Variants in RRS1 observed in about 807,000 individuals in gnomAD.
The protein encoded by RRS1 is regulator of ribosome synthesis 1.
A neutral mutation model predicts 23.1 loss-of-function variants in RRS1; 10 were observed. The observed-to-expected ratio is 0.43, with a 90% confidence interval of 0.27 to 0.74. RRS1 has a LOEUF of 0.74. RRS1 is among the 30% of genes least tolerant of loss of function. The pLI, the probability that RRS1 is intolerant of heterozygous loss-of-function variation, is 0.19. For missense variants in RRS1, 485 were observed against 484.3 expected, an observed-to-expected ratio of 1.00 and a Z score of -0.01; for synonymous variants, 198 against 207.7, an observed-to-expected ratio of 0.95 and a Z score of 0.40.
At position 66,429,159 on chromosome 8, in the gene RRS1, C is replaced by T. The variant is rs199546938; in HGVS notation, c.28C>T (p.Leu10Phe). 226 of 1,611,314 alleles carry T rather than the reference C, an allele frequency of 1.4e-4. 6 individuals carry two copies. The Admixed American group carries it at 3.5e-3, about 25-fold the overall frequency. MEGQSVEEL[L>F]AKAEQDEAEK... ...GGAGGGCCAGAGCGTGGAGGAGCTGCTCGCAAAGGCAGAGCAGGACGAGGC... is the reference window on the plus strand; with the variant it reads ...GGAGGGCCAGAGCGTGGAGGAGCTGTTCGCAAAGGCAGAGCAGGACGAGGC... The change falls in exon 1 of 1, where the codon CTC becomes TTC. Residue 10 changes from leucine (L) to phenylalanine (F), a missense_variant. Coordinates refer to ENST00000320270, the MANE Select transcript of RRS1 (RefSeq NM_015169.4). This position sits in a 1 kb window ranked among gnomAD's most constrained non-coding sequence, Gnocchi z 5.1.
rs776165420 is a variant in RRS1 at position 66,430,069 on chromosome 8, AG to A, written c.941del (p.Gly314GlufsTer29). Reference sequence around the variant, plus strand: ...AAAATGAGCCAGAAGGGCAAGAGAAAGGGAGGCCGGCAGGGGCCTGGGGGCA... The same window carrying A: ...AAAATGAGCCAGAAGGGCAAGAGAAAGGAGGCCGGCAGGGGCCTGGGGGCA... ...RRKMSQKGKR[K>X]GGRQGPGGKR... On this transcript the variant is annotated frameshift_variant, in exon 1 of 1. Transcript: ENST00000320270. LOFTEE classifies it high-confidence loss of function. The A allele has an allele frequency of 6.2e-7, 1 of 1,611,068 alleles. No homozygotes were observed. The highest frequency in any genetic ancestry group is 1.7e-5 in the Admixed American group (1 of 59,164).
In RRS1 at chr8:66,430,248, C is replaced by G; in HGVS notation, c.*19C>G. ...GAAGTAATAGTTTCTAACTGTCGGA[C>G]CCGTCTGTAAACCAAGGACTATGAA... On this transcript the variant is annotated 3_prime_UTR_variant, in exon 1 of 1. Transcript: ENST00000320270. The G allele has an allele frequency of 6.2e-7, 1 of 1,613,214 alleles. No homozygotes were observed. Among genetic ancestry groups the G allele is most frequent in the Non-Finnish European group, 8.5e-7 (1 of 1,179,612 alleles).
rs753505716 is a variant in RRS1, at chr8:66,430,000, A to T, written c.869A>T (p.Lys290Met). Residue 290 changes from lysine to methionine, a missense_variant, in exon 1 of 1, where the codon AAG becomes ATG. Coordinates refer to ENST00000320270, the MANE Select transcript of RRS1 (RefSeq NM_015169.4). The surrounding 1 kb of genome is among the most constrained non-coding windows in gnomAD (Gnocchi z 5.1). Reference protein sequence around the residue: ...PQLDVTRATNKQMREEDQEEA... With the variant: ...PQLDVTRATNMQMREEDQEEA... ...CTGGATGTGACTAGGGCCACCAATA[A>T]GCAGATGAGGGAGGAGGACCAGGAG... 6.2e-7 allele frequency: 1 copy of T among 1,613,406 alleles called. No individual in the cohort carries two copies. The highest frequency in any genetic ancestry group is 1.7e-5 in the Admixed American group (1 of 59,816).
rs1279604596 is a variant in RRS1, at chr8:66,429,935, G to T, written c.804G>T (p.Gln268His). ...ACTTTGCAGCCGAGAAAAAGAACCA[G>T]TTGGAGCTGCTTCGTGTCATGAACA... ...FGDFAAEKKNQLELLRVMNSK... is the reference protein window; with the variant it reads ...FGDFAAEKKNHLELLRVMNSK... The change falls in exon 1 of 1, where the codon CAG becomes CAT. Residue 268 changes from glutamine (Q) to histidine (H), a missense_variant. By Grantham distance (24) the Gln-to-His change is conservative (BLOSUM62 0). Transcript: ENST00000320270. This position sits in a 1 kb window ranked among gnomAD's most constrained non-coding sequence, Gnocchi z 5.1. 6.2e-7 allele frequency: 1 copy of T among 1,614,042 alleles called. No homozygotes were observed. The highest frequency in any genetic ancestry group is 8.5e-7 in the Non-Finnish European group (1 of 1,180,012).
rs1222192827 is a variant in RRS1 at position 66,429,589 on chromosome 8, C to G, written c.458C>G (p.Thr153Ser). The G allele has an allele frequency of 1.2e-6, 2 of 1,613,142 alleles. No homozygotes were observed. The highest frequency in any genetic ancestry group is 2.2e-5 in the South Asian group (2 of 91,080). ...GGCTACCAGCGCGCCCGGGACGACA[C>G]CAAAGAATGGCTGATTGAGGTGCCC... is the stretch of plus-strand genomic sequence containing the variant. ...RWGYQRARDD[T>S]KEWLIEVPGN... The change falls in exon 1 of 1, where the codon ACC becomes AGC. Residue 153 changes from threonine (T) to serine (S), a missense_variant. Physicochemically the swap from Thr to Ser is moderately conservative, Grantham distance 58 (BLOSUM62 1). Coordinates refer to ENST00000320270, the MANE Select transcript of RRS1 (RefSeq NM_015169.4). This position sits in a 1 kb window ranked among gnomAD's most constrained non-coding sequence, Gnocchi z 5.1.
Position 66,429,934 on chromosome 8 carries a change from A to C in RRS1, c.803A>C (p.Gln268Pro). ...GACTTTGCAGCCGAGAAAAAGAACC[A>C]GTTGGAGCTGCTTCGTGTCATGAAC... ...FGDFAAEKKNQLELLRVMNSK... is the reference protein window; with the variant it reads ...FGDFAAEKKNPLELLRVMNSK... Residue 268 changes from glutamine to proline, a missense_variant, in exon 1 of 1, where the codon CAG becomes CCG. Physicochemically the swap from Gln to Pro is moderately conservative, Grantham distance 76 (BLOSUM62 -1). Transcript: ENST00000320270. The surrounding 1 kb of genome is among the most constrained non-coding windows in gnomAD (Gnocchi z 5.1). The C allele has an allele frequency of 6.2e-7, 1 of 1,614,118 alleles. No homozygotes were observed. The highest frequency in any genetic ancestry group is 8.5e-7 in the Non-Finnish European group (1 of 1,179,980).
At position 66,430,433 on chromosome 8, in the gene RRS1, T is replaced by C; in HGVS notation, c.*204T>C. The C allele has an allele frequency of 1.8e-6, 1 of 566,622 alleles. No homozygotes were observed. Among genetic ancestry groups the C allele is most frequent in the South Asian group, 3.0e-5 (1 of 33,176 alleles). 35.1% of individuals were successfully genotyped at this position (566,622 alleles called of 1,614,324 possible). A position where few individuals can be genotyped will look rare whatever the true frequency, so the allele number is the denominator to read the frequency against. ...TTTCCCACAACCGAGACTTTGGAGATTAAGAACTTATTTGAGGATTTAAGA... is the reference window on the plus strand; with the variant it reads ...TTTCCCACAACCGAGACTTTGGAGACTAAGAACTTATTTGAGGATTTAAGA... On this transcript the variant is annotated 3_prime_UTR_variant, in exon 1 of 1. Transcript: ENST00000320270.
rs148788428 is a variant in RRS1 at position 66,429,853 on chromosome 8, A to T, written c.722A>T (p.Lys241Met). The T allele has an allele frequency of 6.2e-7, 1 of 1,613,738 alleles. No homozygotes were observed. Among genetic ancestry groups the T allele is most frequent in the South Asian group, 1.1e-5 (1 of 91,076 alleles). Residue 241 changes from lysine (K) to methionine (M), a missense_variant, in exon 1 of 1, where the codon AAG becomes ATG. By Grantham distance (95) the Lys-to-Met change is moderately conservative (BLOSUM62 -1). Transcript: ENST00000320270. This position sits in a 1 kb window ranked among gnomAD's most constrained non-coding sequence, Gnocchi z 5.1. Reference sequence around the variant, plus strand: ...GGGCGCTTTCAGGAGCGCCTCCCCAAGGAGAAGGTGCCCCGGGGCTCCGGC... The same window carrying T: ...GGGCGCTTTCAGGAGCGCCTCCCCATGGAGAAGGTGCCCCGGGGCTCCGGC... ...SVGRFQERLP[K>M]EKVPRGSGKK...
chr8:66,429,685 A>G lies in RRS1; in HGVS notation c.554A>G (p.Asn185Ser), dbSNP rs771689348. Residue 185 changes from asparagine (N) to serine (S), a missense_variant, in exon 1 of 1, where the codon AAC becomes AGC. Physicochemically the swap from Asn to Ser is conservative, Grantham distance 46 (BLOSUM62 1). Transcript: ENST00000320270. This position sits in a 1 kb window ranked among gnomAD's most constrained non-coding sequence, Gnocchi z 5.1. ...GCCAAGAAGGAAAGGGTGGCCAAGA[A>G]CGAGCTGAACCGGCTGCGTAACCTG... is the stretch of plus-strand genomic sequence containing the variant. ...IQAKKERVAK[N>S]ELNRLRNLAR... 51 of 1,612,874 alleles carry G rather than the reference A, an allele frequency of 3.2e-5. No homozygotes were observed. Among genetic ancestry groups the G allele is most frequent in the Non-Finnish European group, 4.2e-5 (50 of 1,179,994 alleles).
Position 66,429,455 on chromosome 8 carries a change from G to A in RRS1, c.324G>A (p.Pro108=). 1 of 1,561,260 alleles carries A rather than the reference G, an allele frequency of 6.4e-7. No individual in the cohort carries two copies. Among genetic ancestry groups the A allele is most frequent in the Non-Finnish European group, 8.7e-7 (1 of 1,153,014 alleles). The part of the protein sequence containing the change: ...RLPREKPLPR[P]RPLTRWQQFA... The stretch of plus-strand genomic sequence containing the variant: ...CGCGAGAGAAGCCTCTGCCCCGACC[G>A]CGGCCACTTACACGCTGGCAGCAGT... Residue 108 remains proline (P), a synonymous_variant, in exon 1 of 1, where the codon CCG becomes CCA. Coordinates refer to ENST00000320270, the MANE Select transcript of RRS1 (RefSeq NM_015169.4). This position sits in a 1 kb window ranked among gnomAD's most constrained non-coding sequence, Gnocchi z 5.1.
In RRS1 at chr8:66,430,022, G is replaced by A. The variant is rs61747714; in HGVS notation, c.891G>A (p.Gln297=). ...ATNKQMREED[Q]EEAAKRRKMS... is the part of the protein sequence containing the mutation. The stretch of plus-strand genomic sequence containing the variant: ...ATAAGCAGATGAGGGAGGAGGACCA[G>A]GAGGAGGCCGCCAAGAGGAGGAAAA... Residue 297 remains glutamine, a synonymous_variant, in exon 1 of 1, where the codon CAG becomes CAA. Coordinates refer to ENST00000320270, the MANE Select transcript of RRS1 (RefSeq NM_015169.4). The A allele has an allele frequency of 0.014, 21,876 of 1,611,590 alleles. 221 individuals are homozygous for A. The highest frequency in any genetic ancestry group is 0.041 in the African/African-American group (3,048 of 74,732).
Position 66,430,379 on chromosome 8 carries a change from G to GT in RRS1, c.*151dup. ...GATTGCCCTTCCGTCAAGAAAGTAT[G>GT]TAAGTGTTGGACTGCACAAATTAAT... On this transcript the variant is annotated 3_prime_UTR_variant, in exon 1 of 1. Transcript: ENST00000320270. The GT allele has an allele frequency of 1.2e-6, 1 of 817,628 alleles. No homozygotes were observed. Among genetic ancestry groups the GT allele is most frequent in the Non-Finnish European group, 2.0e-6 (1 of 502,314 alleles). The allele number at this position is 817,628 out of a possible 1,614,324, so 50.6% of individuals were successfully genotyped here.
chr8:66,429,014 C>T lies in RRS1; in HGVS notation c.-118C>T. 7.0e-7 allele frequency: 1 copy of T among 1,438,294 alleles called. No individual in the cohort carries two copies. The highest frequency in any genetic ancestry group is 1.4e-5 in the South Asian group (1 of 71,412). 89.1% of individuals were successfully genotyped at this position (1,438,294 alleles called of 1,614,324 possible). A position where few individuals can be genotyped will look rare whatever the true frequency, so the allele number is the denominator to read the frequency against. ...CCGGACGCTCCGGAAGCGAACCTTT[C>T]TTTTCCGGATTGGGCATCCCGGCAT... On this transcript the variant is annotated 5_prime_UTR_variant, in exon 1 of 1. Transcript: ENST00000320270. This position sits in a 1 kb window ranked among gnomAD's most constrained non-coding sequence, Gnocchi z 5.1.
At position 66,429,812 on chromosome 8, in the gene RRS1, C is replaced by T. The variant is rs536192296; in HGVS notation, c.681C>T (p.Val227=). 1 of 1,613,012 alleles carries T rather than the reference C, an allele frequency of 6.2e-7. No homozygotes were observed. Among genetic ancestry groups the T allele is most frequent in the Admixed American group, 1.7e-5 (1 of 60,010 alleles). The change falls in exon 1 of 1, where the codon GTC becomes GTT. Residue 227 remains valine (V), a synonymous_variant. Transcript: ENST00000320270. The surrounding 1 kb of genome is among the most constrained non-coding windows in gnomAD (Gnocchi z 5.1). ...ELGRAMQVAK[V]STASVGRFQE... ...GCCGCGCCATGCAAGTGGCCAAGGT[C>T]TCCACCGCCTCTGTGGGGCGCTTTC...
Position 66,430,609 on chromosome 8 carries a change from C to T in RRS1, c.*380C>T. Reference sequence around the variant, plus strand: ...ATATGTTTCTGCATTATTTTTACAACAAGTTTGTGTATCAGAGCGGGAGTG... The same window carrying T: ...ATATGTTTCTGCATTATTTTTACAATAAGTTTGTGTATCAGAGCGGGAGTG... On this transcript the variant is annotated 3_prime_UTR_variant, in exon 1 of 1. Coordinates refer to ENST00000320270, the MANE Select transcript of RRS1 (RefSeq NM_015169.4). 4.8e-6 allele frequency: 1 copy of T among 208,470 alleles called. No individual in the cohort carries two copies. 12.9% of individuals were successfully genotyped at this position (208,470 alleles called of 1,614,324 possible).
rs1805201903 is a variant in RRS1 at position 66,430,371 on chromosome 8, G to A, written c.*142G>A. 1 of 886,540 alleles carries A rather than the reference G, an allele frequency of 1.1e-6. No homozygotes were observed. Among genetic ancestry groups the A allele is most frequent in the Non-Finnish European group, 1.8e-6 (1 of 564,418 alleles). 54.9% of individuals were successfully genotyped at this position (886,540 alleles called of 1,614,324 possible). On this transcript the variant is annotated 3_prime_UTR_variant, in exon 1 of 1. Coordinates refer to ENST00000320270, the MANE Select transcript of RRS1 (RefSeq NM_015169.4). ...AGGGACAGGATTGCCCTTCCGTCAAGAAAGTATGTAAGTGTTGGACTGCAC... is the reference window on the plus strand; with the variant it reads ...AGGGACAGGATTGCCCTTCCGTCAAAAAAGTATGTAAGTGTTGGACTGCAC...
Position 66,429,944 on chromosome 8 carries a change from G to T in RRS1, c.813G>T (p.Leu271=), listed in dbSNP as rs765188633. ...FAAEKKNQLE[L]LRVMNSKKPQ... ...CCGAGAAAAAGAACCAGTTGGAGCT[G>T]CTTCGTGTCATGAACAGCAAGAAGC... Residue 271 remains leucine, a synonymous_variant, in exon 1 of 1, where the codon CTG becomes CTT. Transcript: ENST00000320270. This position sits in a 1 kb window ranked among gnomAD's most constrained non-coding sequence, Gnocchi z 5.1. 3.0e-5 allele frequency: 49 copies of T among 1,614,146 alleles called. No individual in the cohort carries two copies. In the South Asian group the frequency reaches 4.5e-4, roughly 15 times the overall value.
Position 66,429,075 on chromosome 8 carries a change from A to G in RRS1, c.-57A>G, listed in dbSNP as rs764005808. 2 of 1,542,718 alleles carry G rather than the reference A, an allele frequency of 1.3e-6. No individual in the cohort carries two copies. The highest frequency in any genetic ancestry group is 1.7e-6 in the Non-Finnish European group (2 of 1,143,008). On this transcript the variant is annotated 5_prime_UTR_variant, in exon 1 of 1. Coordinates refer to ENST00000320270, the MANE Select transcript of RRS1 (RefSeq NM_015169.4). The surrounding 1 kb of genome is among the most constrained non-coding windows in gnomAD (Gnocchi z 5.1). ...TTATGCTGCCGGAGTTTGGGCCGCC[A>G]CTGTAGGAAAAGTAACTTCAGCTGC...
Position 66,430,552 on chromosome 8 carries a change from G to A in RRS1, c.*323G>A, listed in dbSNP as rs888022922. 3.3e-6 allele frequency: 1 copy of A among 305,788 alleles called. No individual in the cohort carries two copies. The highest frequency in any genetic ancestry group is 6.3e-6 in the Non-Finnish European group (1 of 157,824). The allele number at this position is 305,788 out of a possible 1,614,324, so 18.9% of individuals were successfully genotyped here. A position where few individuals can be genotyped will look rare whatever the true frequency, so the allele number is the denominator to read the frequency against. ...AATGTTGGATATACGGCGAGGTAGA[G>A]TTGGCCATATTTCAGAGACTTAGAT... On this transcript the variant is annotated 3_prime_UTR_variant, in exon 1 of 1. Transcript: ENST00000320270.
Sources: allele counts gnomAD v4.1 joint callset, GRCh38; gene constraint gnomAD v4.1.1; non-coding constraint Gnocchi (gnomAD v3.1); transcripts MANE v1.5; gene names NCBI Gene and HGNC (gene_info 2026-07-23, HGNC 2026-07-21).